ZNF362: variants seen among roughly 807,000 people sequenced by gnomAD.
The protein encoded by ZNF362 is rotund homolog.
A neutral mutation model predicts 42.9 loss-of-function variants in ZNF362; 11 were observed. The observed-to-expected ratio is 0.26, with a 90% confidence interval of 0.16 to 0.42. The LOEUF is 0.42. Among genes scored for constraint, ZNF362 ranks in the 20% least tolerant of loss-of-function variants. The pLI is 1.00. For synonymous variants in ZNF362, 255 were observed against 257.3 expected, an observed-to-expected ratio of 0.99 and a Z score of 0.09; for missense variants, 362 against 576.2, an observed-to-expected ratio of 0.63 and a Z score of 3.81.
the ZNF362 span, among the ~76,000 whole-genome samples, chr1:33,208,569 A>G: frequency 6.6e-6 from 1 of 152,136 alleles, no homozygotes. Context: ...TGAGCATGGA[A>G]TGTTCTTCCA....
the ZNF362 span, among the ~76,000 whole-genome samples, chr1:33,137,358 T>A: frequency 6.6e-6 from 1 of 152,186 alleles, no homozygotes; most frequent in African/African-American, 2.4e-5. Context: ...CCTCTTATGC[T>A]TGTTGTGAGG....
the ZNF362 span, chr1:33,163,345 T>C: frequency 1.3e-5 from 2 of 152,042 alleles, no homozygotes; most frequent in African/African-American, 4.8e-5. Flanking sequence ...GGCCGATTTT[T>C]TTTTCCTTTC....
chr1:33,206,617 A>G, the ZNF362 span, among the ~76,000 whole-genome samples: 2 of 152,156 alleles, frequency 1.3e-5, no homozygotes, highest in Non-Finnish European at 2.9e-5. Flanking sequence ...CTGTAAAAAG[A>G]GAAAAAAATA....
At chr1:33,151,070 T>C in the ZNF362 span, among the ~76,000 whole-genome samples, 1 of 152,052 alleles carries the variant, frequency 6.6e-6, no homozygotes, top group African/African-American at 2.4e-5. Context: ...TTGTAGCTTA[T>C]GTAGGACAAT....
chr1:33,250,758 AGAAG>A, the ZNF362 span, among the ~76,000 whole-genome samples: 4,380 of 151,508 alleles, frequency 0.029, 88 homozygotes, highest in African/African-American at 0.049. Flanking sequence ...AGAAAAAAAA[AGAAG>A]AAAGAAGAAG....
chr1:33,181,161 C>CGCGCG, the ZNF362 span: 17 of 1,598,174 alleles, frequency 1.1e-5, no homozygotes, highest in African/African-American at 9.4e-5. This position sits in a 1 kb window ranked among gnomAD's most constrained non-coding sequence, Gnocchi z 6.5. Context: ...CTGGCAGGGT[C>CGCGCG]GCGCGGCGCG....
rs1570399542 is a variant in ZNF362 at position 33,280,582 on chromosome 1, C to T, written c.683+125C>T. Reference sequence around the variant, plus strand: ...AGGGCTGAGGGGCAGGGCTAGGGTCCAGAGGGGCGGGGCCTTCTGGAGAGC... The same window carrying T: ...AGGGCTGAGGGGCAGGGCTAGGGTCTAGAGGGGCGGGGCCTTCTGGAGAGC... On this transcript the variant is annotated intron_variant, in intron 5 of 8. Transcript: ENST00000539719. This position sits in a 1 kb window ranked among gnomAD's most constrained non-coding sequence, Gnocchi z 5.6. The T allele has an allele frequency of 3.8e-5, 54 of 1,437,640 alleles. No individual in the cohort carries two copies. Among genetic ancestry groups the T allele is most frequent in the Non-Finnish European group, 4.8e-5 (53 of 1,093,194 alleles). 89.1% of individuals were successfully genotyped at this position (1,437,640 alleles called of 1,614,324 possible).
At chr1:33,147,242 G>T in the ZNF362 span, 1 of 1,614,040 alleles carries the variant, frequency 6.2e-7, no homozygotes, top group Non-Finnish European at 8.5e-7. The surrounding 1 kb of genome is among the most constrained non-coding windows in gnomAD (Gnocchi z 8.1). Context: ...CTCTGGCCAG[G>T]GCTGAAGTAA....
the ZNF362 span, among the ~76,000 whole-genome samples, chr1:33,174,930 C>A: frequency 8.7e-6 from 1 of 114,564 alleles, no homozygotes; most frequent in Non-Finnish European, 1.7e-5. Flanking sequence ...CACACACACA[C>A]ATACATATAT....
At chr1:33,226,207 C>T in the ZNF362 span, among the ~76,000 whole-genome samples, 1 of 152,180 alleles carries the variant, frequency 6.6e-6, no homozygotes, top group Admixed American at 6.5e-5. Flanking sequence ...GCCTTGAGCT[C>T]ATTAATCCTC....
the ZNF362 span, among the ~76,000 whole-genome samples, chr1:33,187,034 A>G: frequency 3.3e-5 from 5 of 151,998 alleles, no homozygotes; most frequent in Non-Finnish European, 7.4e-5. Context: ...TATTATCACA[A>G]AGGGGAACTG....
At chr1:33,243,763 ATTTTTTT>A in the ZNF362 span, among the ~76,000 whole-genome samples, 5 of 124,094 alleles carry the variant, frequency 4.0e-5, no homozygotes, top group Non-Finnish European at 6.9e-5. Context: ...CAACTGGCCA[ATTTTTTT>A]TTTTTTTTTT....
At chr1:33,279,646 C>CTTTTTTTTTTTTTTTT (rs567406398) in intron 4 of ZNF362, among the ~76,000 whole-genome samples, 1 of 147,344 alleles carries the variant, frequency 6.8e-6, no homozygotes. Context: ...AGTTAAGCCT[C>CTTTTTTTTTTTTTTTT]TTTTTTTTTT....
the ZNF362 span, among the ~76,000 whole-genome samples, chr1:33,170,441 G>A: frequency 2.6e-5 from 4 of 152,036 alleles, no homozygotes; most frequent in Non-Finnish European, 5.9e-5. Flanking sequence ...GCTCTTGAGG[G>A]CAAGGACTGT....
the ZNF362 span, among the ~76,000 whole-genome samples, chr1:33,248,973 T>C: frequency 5.1e-4 from 78 of 152,306 alleles, 1 homozygote; most frequent in African/African-American, 1.8e-3. Context: ...AAATTCAATC[T>C]CCGTCATTTT....
the ZNF362 span, among the ~76,000 whole-genome samples, chr1:33,243,479 C>A: frequency 2.0e-5 from 3 of 151,996 alleles, no homozygotes; most frequent in Non-Finnish European, 2.9e-5. Context: ...AGCCACCATA[C>A]CTGGCCCCAA....
At chr1:33,177,919 C>G in the ZNF362 span, among the ~76,000 whole-genome samples, 1 of 152,072 alleles carries the variant, frequency 6.6e-6, no homozygotes, top group Non-Finnish European at 1.5e-5. This position sits in a 1 kb window ranked among gnomAD's most constrained non-coding sequence, Gnocchi z 4.1. Flanking sequence ...CATGAAGGAC[C>G]CAAGGCTCAG....
intron 1 of ZNF362, among the ~76,000 whole-genome samples, chr1:33,261,049 A>G (rs777036580): frequency 2.0e-5 from 3 of 152,124 alleles, no homozygotes; most frequent in Non-Finnish European, 2.9e-5. Context: ...AAATATTAAC[A>G]TATTTACAGG....
At chr1:33,154,986 G>A in the ZNF362 span, among the ~76,000 whole-genome samples, 1 of 149,736 alleles carries the variant, frequency 6.7e-6, no homozygotes, top group South Asian at 2.1e-4. Context: ...CCAGCTACTC[G>A]GGAGGCTGAG....
Sources: allele counts gnomAD v4.1 joint callset (sites outside exome capture counted in the v4.1 genomes callset), GRCh38; gene constraint gnomAD v4.1.1; non-coding constraint Gnocchi (gnomAD v3.1); transcripts MANE v1.5; gene names NCBI Gene and HGNC (gene_info 2026-07-23, HGNC 2026-07-21).